BRIP1: variants seen among roughly 807,000 people sequenced by gnomAD.
The protein encoded by BRIP1 is BRCA1 interacting DNA helicase 1, also known as Fanconi anemia group J protein.
BRIP1 carries 88 observed loss-of-function variants against 119.7 expected under a neutral mutation model. That is an observed-to-expected ratio of 0.74 (90% CI 0.62 to 0.88). The LOEUF is 0.88. BRIP1 is among the 40% of genes least tolerant of loss of function. BRIP1 has a pLI of 0.00. For missense variants in BRIP1, 1,259 were observed against 1,455.4 expected (o/e 0.87, Z 2.20); for synonymous variants, 443 against 496.5 (o/e 0.89, Z 1.43).
chr17:61,779,698 G>A (rs745628822), intron 13 of BRIP1, among the ~76,000 whole-genome samples: 1 of 152,132 alleles, frequency 6.6e-6, no homozygotes, highest in African/African-American at 2.4e-5. Flanking sequence ...GCTCACGCCT[G>A]TAATCCCAAC....
Position 61,687,144 on chromosome 17 carries a change from G to A in BRIP1, c.2576-979C>T, listed in dbSNP as rs1015650263. Among the ~76,000 whole-genome samples, 4 of 152,134 alleles carry A rather than the reference G, an allele frequency of 2.6e-5. No individual in the cohort carries two copies. The highest frequency in any genetic ancestry group is 5.9e-5 in the Non-Finnish European group (4 of 68,026). On this transcript the variant is annotated intron_variant, in intron 18 of 19. Transcript: ENST00000259008. This position sits in a 1 kb window ranked among gnomAD's most constrained non-coding sequence, Gnocchi z 5.1. ...AATCCCAGCATTTGGGGAGGCTGAG[G>A]TGGGAAGATTGCTTGAGGCCAGGAG...
In BRIP1 at chr17:61,753,599, C is replaced by T. The variant is rs1267108192; in HGVS notation, c.2098-9008G>A. Reference sequence around the variant, plus strand: ...GACCAGCAAGAAAATCTTATTTCCTCTCCATTTTTTTTTTTTTTTAGAGAT... The same window carrying T: ...GACCAGCAAGAAAATCTTATTTCCTTTCCATTTTTTTTTTTTTTTAGAGAT... On this transcript the variant is annotated intron_variant, in intron 14 of 19. Coordinates refer to ENST00000259008, the MANE Select transcript of BRIP1 (RefSeq NM_032043.3). This position sits in a 1 kb window ranked among gnomAD's most constrained non-coding sequence, Gnocchi z 4.6. Among the ~76,000 whole-genome samples, 2 of 150,236 alleles carry T rather than the reference C, an allele frequency of 1.3e-5. No homozygotes were observed. Among genetic ancestry groups the T allele is most frequent in the East Asian group, 4.0e-4 (2 of 5,040 alleles).
rs59414906 is a variant in BRIP1, at chr17:61,804,954, CTGTGTGTG to C, written c.919-3488_919-3481del. On this transcript the variant is annotated intron_variant, in intron 7 of 19. Transcript: ENST00000259008. This position sits in a 1 kb window ranked among gnomAD's most constrained non-coding sequence, Gnocchi z 4.5. ...GGCAGGATGAAATGTCTCTCTCTTT[CTGTGTGTG>C]TGTGTGTGTGTGTGTGTGTGTGTGT... is the stretch of plus-strand genomic sequence containing the variant. Among the ~76,000 whole-genome samples, 33,423 of 139,000 alleles carry C rather than the reference CTGTGTGTG, an allele frequency of 0.24. 4,338 individuals are homozygous for C. Among genetic ancestry groups the C allele is most frequent in the Admixed American group, 0.33 (4,535 of 13,818 alleles). The allele number at this position is 139,000 out of a possible 152,430, so 91.2% of individuals were successfully genotyped here.
At chr17:61,812,080 C>A (rs1176384198) in intron 6 of BRIP1, among the ~76,000 whole-genome samples, 1 of 152,080 alleles carries the variant, frequency 6.6e-6, no homozygotes, top group Non-Finnish European at 1.5e-5. Context: ...CCAAAATCAG[C>A]AACTTTCAAT....
At position 61,734,828 on chromosome 17, in the gene BRIP1, A is replaced by C. The variant is rs1603300801; in HGVS notation, c.2379+8185T>G. Among the ~76,000 whole-genome samples, 2 of 152,338 alleles carry C rather than the reference A, an allele frequency of 1.3e-5. No homozygotes were observed. The highest frequency in any genetic ancestry group is 6.8e-3 in the Middle Eastern group (2 of 294). On this transcript the variant is annotated intron_variant, in intron 16 of 19. Transcript: ENST00000259008. The surrounding 1 kb of genome is among the most constrained non-coding windows in gnomAD (Gnocchi z 5.2). Reference sequence around the variant, plus strand: ...TTTCTCAAATTTAAGAAAAAATTTTAGTATCATAAAATTAATGTCACTGCC... The same window carrying C: ...TTTCTCAAATTTAAGAAAAAATTTTCGTATCATAAAATTAATGTCACTGCC...
chr17:61,853,999 G>A lies in BRIP1; in HGVS notation c.379+3059C>T, dbSNP rs904395674. Among the ~76,000 whole-genome samples, 1 of 152,198 alleles carries A rather than the reference G, an allele frequency of 6.6e-6. No individual in the cohort carries two copies. Among genetic ancestry groups the A allele is most frequent in the Non-Finnish European group, 1.5e-5 (1 of 68,030 alleles). On this transcript the variant is annotated intron_variant, in intron 4 of 19. Transcript: ENST00000259008. This position sits in a 1 kb window ranked among gnomAD's most constrained non-coding sequence, Gnocchi z 4.3. ...ATTAGAGTAGCTAAAATTAAGGCCA[G>A]GTATGGTGGCTCATGCCTATAATCC...
In BRIP1 at chr17:61,793,502, T is replaced by C. The variant is rs2145236053; in HGVS notation, c.1473+95A>G. 8.3e-7 allele frequency: 1 copy of C among 1,205,674 alleles called. No homozygotes were observed. The highest frequency in any genetic ancestry group is 1.2e-6 in the Non-Finnish European group (1 of 859,552). 74.7% of individuals were successfully genotyped at this position (1,205,674 alleles called of 1,614,324 possible). A position where few individuals can be genotyped will look rare whatever the true frequency, so the allele number is the denominator to read the frequency against. ...AAAATTAAATTGCTATATTTAACAA[T>C]TCTGGGTTACTCACTAGATTTAATC... On this transcript the variant is annotated intron_variant, in intron 10 of 19. Transcript: ENST00000259008. This position sits in a 1 kb window ranked among gnomAD's most constrained non-coding sequence, Gnocchi z 5.2.
rs1035860551 is a variant in BRIP1, at chr17:61,857,676, G to A, written c.206-445C>T. ...GAGGCAGAGGTAGCAATGAGCAGAG[G>A]TCATGCCACTGCACTCCAGCCTAGG... is the stretch of plus-strand genomic sequence containing the variant. On this transcript the variant is annotated intron_variant, in intron 3 of 19. Transcript: ENST00000259008. The surrounding 1 kb of genome is among the most constrained non-coding windows in gnomAD (Gnocchi z 5.1). Among the ~76,000 whole-genome samples the A allele has an allele frequency of 1.3e-5, 2 of 152,036 alleles. No individual in the cohort carries two copies. Among genetic ancestry groups the A allele is most frequent in the South Asian group, 2.1e-4 (1 of 4,830 alleles).
intron 17 of BRIP1, among the ~76,000 whole-genome samples, chr17:61,698,833 G>C (rs1434865161): frequency 6.6e-6 from 1 of 151,818 alleles, no homozygotes; most frequent in African/African-American, 2.4e-5. Flanking sequence ...TCCCACATCA[G>C]TCTCCTGAAT....
rs935706141 is a variant in BRIP1, at chr17:61,848,162, TTTTTA to T, written c.508-947_508-943del. On this transcript the variant is annotated intron_variant, in intron 5 of 19. Coordinates refer to ENST00000259008, the MANE Select transcript of BRIP1 (RefSeq NM_032043.3). This position sits in a 1 kb window ranked among gnomAD's most constrained non-coding sequence, Gnocchi z 4.3. The stretch of plus-strand genomic sequence containing the variant: ...ACAAATAACATCCTAATTAATAATT[TTTTTA>T]TTTTATGTTTTTATTTATTTATTTT... 2.0e-5 allele frequency among the ~76,000 whole-genome samples: 3 copies of T among 149,426 alleles called. No individual in the cohort carries two copies. Among genetic ancestry groups the T allele is most frequent in the African/African-American group, 7.3e-5 (3 of 41,092 alleles).
At chr17:61,859,455 C>T (rs934121789) in intron 3 of BRIP1, among the ~76,000 whole-genome samples, 3 of 152,136 alleles carry the variant, frequency 2.0e-5, no homozygotes, top group Non-Finnish European at 4.4e-5. Context: ...CCTCAGTCTC[C>T]CAAGTAGCTG....
At chr17:61,765,493 T>C (rs1317024557) in intron 14 of BRIP1, among the ~76,000 whole-genome samples, 1 of 127,146 alleles carries the variant, frequency 7.9e-6, no homozygotes, top group Non-Finnish European at 1.6e-5. Context: ...CTGGAGTGCA[T>C]GGCGTGATCT....
At position 61,773,159 on chromosome 17, in the gene BRIP1, A is replaced by C. The variant is rs188324911; in HGVS notation, c.2097+3242T>G. ...ATATATTTAAAAGCCCATACAAATC[A>C]ATTAAAAAGACAAATACAACCAAGA... On this transcript the variant is annotated intron_variant, in intron 14 of 19. Coordinates refer to ENST00000259008, the MANE Select transcript of BRIP1 (RefSeq NM_032043.3). 4.4e-4 allele frequency among the ~76,000 whole-genome samples: 67 copies of C among 152,214 alleles called. No individual in the cohort carries two copies. The Middle Eastern group carries it at 0.01, about 23-fold the overall frequency.
At chr17:61,750,868 C>T (rs1179776586) in intron 14 of BRIP1, among the ~76,000 whole-genome samples, 4 of 152,156 alleles carry the variant, frequency 2.6e-5, no homozygotes, top group Non-Finnish European at 1.5e-5. Flanking sequence ...GTAACTGTCA[C>T]ACATTGCTAG....
intron 14 of BRIP1, among the ~76,000 whole-genome samples, chr17:61,772,208 T>TAA (rs1174598371): frequency 1.5e-3 from 126 of 86,292 alleles, no homozygotes; most frequent in African/African-American, 2.9e-3. Context: ...TATATATATA[T>TAA]AAAATGAAAT....
rs2077862377 is a variant in BRIP1, at chr17:61,794,042, T to C, written c.1341-313A>G. On this transcript the variant is annotated intron_variant, in intron 9 of 19. Transcript: ENST00000259008. This position sits in a 1 kb window ranked among gnomAD's most constrained non-coding sequence, Gnocchi z 4.3. The stretch of plus-strand genomic sequence containing the variant: ...CAACTGAGAGCCAGGTCTTAGGTAC[T>C]TATCCCAAATATATATAAAAGGAAA... 6.6e-6 allele frequency among the ~76,000 whole-genome samples: 1 copy of C among 152,160 alleles called. No homozygotes were observed. The highest frequency in any genetic ancestry group is 2.4e-5 in the African/African-American group (1 of 41,442).
chr17:61,819,432 T>G (rs2145517847), intron 6 of BRIP1, among the ~76,000 whole-genome samples: 1 of 152,314 alleles, frequency 6.6e-6, no homozygotes, highest in East Asian at 1.9e-4. Flanking sequence ...TGCACTCTCA[T>G]GTTTATTGCA....
rs917546370 is a variant in BRIP1, at chr17:61,827,084, T to C, written c.628-18327A>G. 3.3e-5 allele frequency among the ~76,000 whole-genome samples: 2 copies of C among 61,190 alleles called. No individual in the cohort carries two copies. Among genetic ancestry groups the C allele is most frequent in the Non-Finnish European group, 7.1e-5 (2 of 28,368 alleles). The allele number at this position is 61,190 out of a possible 152,430, so 40.1% of individuals were successfully genotyped here. On this transcript the variant is annotated intron_variant, in intron 6 of 19. Coordinates refer to ENST00000259008, the MANE Select transcript of BRIP1 (RefSeq NM_032043.3). The surrounding 1 kb of genome is among the most constrained non-coding windows in gnomAD (Gnocchi z 5.8). The stretch of plus-strand genomic sequence containing the variant: ...GGTACATATACACTGTGGAATACTA[T>C]GTAGCCATAAAAAAAATGAGACTGT...
At chr17:61,716,361 A>G (rs183658342) in intron 16 of BRIP1, among the ~76,000 whole-genome samples, 22 of 152,214 alleles carry the variant, frequency 1.4e-4, no homozygotes, top group Non-Finnish European at 1.9e-4. Context: ...ATATATAGTA[A>G]TGTAACCACC....
Sources: allele counts gnomAD v4.1 joint callset (sites outside exome capture counted in the v4.1 genomes callset), GRCh38; gene constraint gnomAD v4.1.1; non-coding constraint Gnocchi (gnomAD v3.1); transcripts MANE v1.5; gene names NCBI Gene and HGNC (gene_info 2026-07-23, HGNC 2026-07-21).